NFASC: variants seen among roughly 807,000 people sequenced by gnomAD.
The protein encoded by NFASC is neurofascin homolog.
NFASC carries 43 observed loss-of-function variants against 147.5 expected under a neutral mutation model. The observed-to-expected ratio is 0.29, with a 90% CI of 0.23 to 0.38. The LOEUF (loss-of-function observed/expected upper bound fraction) is 0.38, where lower values mean the gene tolerates loss of function less well. NFASC is among the 10% of genes least tolerant of loss of function. The pLI, the probability that NFASC is intolerant of heterozygous loss-of-function variation, is 1.00. For missense variants in NFASC, 1,320 were observed against 1,689.0 expected, an observed-to-expected ratio of 0.78 and a Z score of 3.83; for synonymous variants, 622 against 665.5, an observed-to-expected ratio of 0.93 and a Z score of 1.01.
At chr1:204,933,693 G>A (rs957401454) in intron 2 of NFASC, among the ~76,000 whole-genome samples, 3 of 151,898 alleles carry the variant, frequency 2.0e-5, no homozygotes, top group Non-Finnish European at 4.4e-5. Context: ...CCAGTGGGAG[G>A]TCAGGAGAGG....
intron 2 of NFASC, among the ~76,000 whole-genome samples, chr1:204,937,285 A>G (rs1361399863): frequency 1.3e-5 from 2 of 152,184 alleles, no homozygotes; most frequent in African/African-American, 2.4e-5. Flanking sequence ...GTTACAGTCG[A>G]TGAACCTACA....
rs2083828171 is a variant in NFASC, at chr1:204,898,441, A to G, written c.-199-22191A>G. 3.3e-5 allele frequency among the ~76,000 whole-genome samples: 5 copies of G among 152,340 alleles called. No homozygotes were observed. The South Asian group carries it at 1.0e-3, about 32-fold the overall frequency. ...TATGGTATAAAAGGAAACCTTCTGT[A>G]TAGATCGCTCTTTTTATCTGAAAGA... is the stretch of plus-strand genomic sequence containing the variant. On this transcript the variant is annotated intron_variant, in intron 1 of 29. Transcript: ENST00000339876.
At chr1:204,894,197 AG>A (rs1318920050) in intron 1 of NFASC, among the ~76,000 whole-genome samples, 1 of 152,256 alleles carries the variant, frequency 6.6e-6, no homozygotes, top group African/African-American at 2.4e-5. Context: ...ATTTGTCAAA[AG>A]TTTCCCCAGC....
chr1:204,909,977 G>A (rs1457058405), intron 1 of NFASC, among the ~76,000 whole-genome samples: 2 of 151,754 alleles, frequency 1.3e-5, no homozygotes, highest in African/African-American at 4.8e-5. Flanking sequence ...TGTAGGTTTG[G>A]TTACTGTAGT....
rs375487792 is a variant in NFASC at position 204,870,219 on chromosome 1, C to T, written c.-200+41437C>T. On this transcript the variant is annotated intron_variant, in intron 1 of 29. Coordinates refer to ENST00000339876, the MANE Select transcript of NFASC (RefSeq NM_001005388.3). ...GCAGAAGATAGGGACAAGGGCCACA[C>T]GCATGGCTGTAATCAAATGTGTAAT... Among the ~76,000 whole-genome samples the T allele has an allele frequency of 1.7e-4, 26 of 152,280 alleles. 1 individual carries two copies. The highest frequency in any genetic ancestry group is 5.1e-4 in the African/African-American group (21 of 41,562).
At chr1:204,906,358 T>G (rs969260739) in intron 1 of NFASC, among the ~76,000 whole-genome samples, 2 of 152,192 alleles carry the variant, frequency 1.3e-5, no homozygotes, top group Non-Finnish European at 2.9e-5. Context: ...TACCCTTTTT[T>G]GGGTTAATTC....
At chr1:204,988,597 G>A (rs1362690563) in intron 22 of NFASC, 36 bp from the exon 23 acceptor site, 4 of 1,593,406 alleles carry the variant, frequency 2.5e-6, no homozygotes, top group Admixed American at 3.3e-5. Flanking sequence ...AATAAATGTT[G>A]CTAAAGTTTA....
intron 27 of NFASC, among the ~76,000 whole-genome samples, chr1:205,005,228 T>G (rs1040924130): frequency 6.6e-6 from 1 of 152,168 alleles, no homozygotes; most frequent in Non-Finnish European, 1.5e-5. Flanking sequence ...GGAAAATCCA[T>G]CCCCGTTATA....
chr1:204,852,827 T>A (rs2075815954), intron 1 of NFASC, among the ~76,000 whole-genome samples: 1 of 152,248 alleles, frequency 6.6e-6, no homozygotes. Context: ...TTGCCTCATC[T>A]GGGTGAGCTG....
At chr1:204,976,106 T>G (rs1008445972) in intron 15 of NFASC, among the ~76,000 whole-genome samples, 9 of 152,216 alleles carry the variant, frequency 5.9e-5, no homozygotes, top group African/African-American at 2.2e-4. Context: ...CAGCGGTTTC[T>G]AGCCATCATT....
intron 2 of NFASC, among the ~76,000 whole-genome samples, chr1:204,922,315 A>G (rs2090655734): frequency 6.6e-6 from 1 of 152,122 alleles, no homozygotes; most frequent in South Asian, 2.1e-4. Context: ...CTCTGATGAC[A>G]GCAGCCTCAC....
intron 8 of NFASC, among the ~76,000 whole-genome samples, chr1:204,965,696 A>G (rs1329295145): frequency 6.6e-6 from 1 of 152,208 alleles, no homozygotes; most frequent in Admixed American, 6.5e-5. Flanking sequence ...TAAGACAGAA[A>G]TATCTTTCTC....
In NFASC at chr1:204,846,013, A is replaced by G. The variant is rs905149505; in HGVS notation, c.-200+17231A>G. 2.0e-5 allele frequency among the ~76,000 whole-genome samples: 3 copies of G among 152,186 alleles called. No homozygotes were observed. In the South Asian group the frequency reaches 6.2e-4, roughly 32 times the overall value. ...CCCTGATTGCCTTCATGCTGGCCAC[A>G]CCTACAGGGACAAAGGATGGAAGGA... On this transcript the variant is annotated intron_variant, in intron 1 of 29. Transcript: ENST00000339876.
chr1:204,976,514 C>T (rs1204091188), intron 15 of NFASC, among the ~76,000 whole-genome samples, 157 bp from the exon 16 acceptor site: 4 of 152,160 alleles, frequency 2.6e-5, no homozygotes, highest in Non-Finnish European at 4.4e-5. Flanking sequence ...ACTGTGAAGA[C>T]CTCACCTCTG....
chr1:204,917,859 A>G (rs961205109), intron 1 of NFASC, among the ~76,000 whole-genome samples: 1 of 152,148 alleles, frequency 6.6e-6, no homozygotes, highest in Admixed American at 6.5e-5. Context: ...TTCTTCGGGA[A>G]TGGTATTTAG....
chr1:204,907,882 C>T (rs2086345422), intron 1 of NFASC, among the ~76,000 whole-genome samples: 1 of 152,142 alleles, frequency 6.6e-6, no homozygotes, highest in Non-Finnish European at 1.5e-5. Flanking sequence ...CTTTTAAATA[C>T]ACCTGGGAAA....
At chr1:204,937,922 C>T (rs780722544) in intron 2 of NFASC, among the ~76,000 whole-genome samples, 77 of 152,312 alleles carry the variant, frequency 5.1e-4, no homozygotes, top group Non-Finnish European at 8.7e-4. Flanking sequence ...GCCATCCAGT[C>T]GGCTATGTGA....
At position 204,957,671 on chromosome 1, in the gene NFASC, C is replaced by A. The variant is rs199573837; in HGVS notation, c.551C>A (p.Thr184Asn). 8.1e-6 allele frequency: 13 copies of A among 1,614,052 alleles called. No homozygotes were observed. The highest frequency in any genetic ancestry group is 1.6e-4 in the Middle Eastern group (1 of 6,084). ...TTTCTTATAGCCATGGAGCCCATCA[C>A]CCAAGACAAACGTGTCTCTCAGGGC... ...FWMSSSMEPI[T>N]QDKRVSQGHN... The change falls in exon 8 of 30, where the codon ACC becomes AAC. Residue 184 changes from threonine to asparagine, a missense_variant. This residue lies in a region of NFASC where 981 missense variants were observed against 1,289.5 expected (regional missense o/e 0.76). Transcript: ENST00000339876.
At chr1:204,885,391 G>C (rs538713328) in intron 1 of NFASC, among the ~76,000 whole-genome samples, 6 of 120,816 alleles carry the variant, frequency 5.0e-5, no homozygotes, top group African/African-American at 8.4e-5. Flanking sequence ...TTGCCCTGTG[G>C]GGGGGGAAGC....
Sources: allele counts gnomAD v4.1 joint callset (sites outside exome capture counted in the v4.1 genomes callset), GRCh38; gene constraint gnomAD v4.1.1; regional missense constraint gnomAD v4.1.1; transcripts MANE v1.5; gene names NCBI Gene and HGNC (gene_info 2026-07-23, HGNC 2026-07-21).